The following CYRIB variants were observed in gnomAD, a reference collection of about 807,000 sequenced individuals.
CYRIB encodes the protein CYFIP-related Rac1 interactor B.
A neutral mutation model predicts 44.2 loss-of-function variants in CYRIB; 8 were observed. The observed-to-expected ratio is 0.18, with a 90% CI of 0.11 to 0.33. CYRIB has a LOEUF of 0.33. Ranked by LOEUF, CYRIB falls within the 10% of genes least tolerant of loss-of-function variation. The pLI is 1.00. For synonymous variants in CYRIB, 131 were observed against 127.2 expected (o/e 1.03, Z -0.20); for missense variants, 185 against 382.8 (o/e 0.48, Z 4.31).
At chr8:129,971,996 T>G (rs888805122) in intron 1 of CYRIB, among the ~76,000 whole-genome samples, 1 of 152,254 alleles carries the variant, frequency 6.6e-6, no homozygotes. Context: ...TGACTTTTTC[T>G]CTGGCCTTTA....
At chr8:129,942,211 C>A (rs181875649), upstream of CYRIB, among the ~76,000 whole-genome samples, 29 of 152,184 alleles carry the variant, frequency 1.9e-4, no homozygotes, top group African/African-American at 6.0e-4. Flanking sequence ...TGGTGGCAGG[C>A]GCCTGTAATC....
chr8:129,949,581 A>G (rs2094390230), intron 2 of CYRIB, among the ~76,000 whole-genome samples: 1 of 151,962 alleles, frequency 6.6e-6, no homozygotes, highest in Non-Finnish European at 1.5e-5. Flanking sequence ...GAAATACTAC[A>G]CTAAGGCTGG....
chr8:129,931,233 C>A (rs548849004), intron 1 of CYRIB, among the ~76,000 whole-genome samples: 2 of 152,006 alleles, frequency 1.3e-5, no homozygotes, highest in Non-Finnish European at 2.9e-5. Flanking sequence ...CCTAAATCTA[C>A]ACATATAAAG....
At chr8:129,886,278 C>A (rs990035645) in intron 2 of CYRIB, among the ~76,000 whole-genome samples, 2 of 152,324 alleles carry the variant, frequency 1.3e-5, no homozygotes, top group East Asian at 3.9e-4. Flanking sequence ...ACAATTCTCA[C>A]ACTTCAACTT....
At chr8:129,918,934 T>C (rs1008438220) in intron 1 of CYRIB, among the ~76,000 whole-genome samples, 1 of 152,176 alleles carries the variant, frequency 6.6e-6, no homozygotes, top group East Asian at 1.9e-4. Context: ...TTTAGAAAAA[T>C]ATGTAATTTC....
chr8:129,877,663 G>GGTGTGT (rs5895011), intron 3 of CYRIB, among the ~76,000 whole-genome samples: 16 of 130,690 alleles, frequency 1.2e-4, no homozygotes, highest in African/African-American at 2.0e-4. Flanking sequence ...AAAAAAAAAA[G>GGTGTGT]GTGTGTGTGT....
rs1308481544 is a variant in CYRIB at position 129,903,163 on chromosome 8, C to T, written c.-11+149G>A. 2.0e-5 allele frequency: 3 copies of T among 152,512 alleles called. No individual in the cohort carries two copies. The East Asian group carries it at 5.8e-4, about 29-fold the overall frequency. 9.4% of individuals were successfully genotyped at this position (152,512 alleles called of 1,614,324 possible). On this transcript the variant is annotated intron_variant, in intron 2 of 11. Coordinates refer to ENST00000519824, the Ensembl canonical transcript of CYRIB. ...GTCCTATTCTAAGCCAAAAACTAAA[C>T]AATCAATATTTCCTAACAACATTTT...
intron 1 of CYRIB, among the ~76,000 whole-genome samples, chr8:129,923,197 C>T (rs867341025): frequency 2.0e-5 from 3 of 147,586 alleles, no homozygotes; most frequent in Admixed American, 6.8e-5. Flanking sequence ...GAGCCGATAT[C>T]GCGCCATTGC....
At chr8:129,967,350 G>T (rs1450604352) in intron 2 of CYRIB, among the ~76,000 whole-genome samples, 2 of 151,148 alleles carry the variant, frequency 1.3e-5, no homozygotes, top group Admixed American at 6.6e-5. Context: ...TCTTTTCTTT[G>T]GTTTTGTTTT....
intron 1 of CYRIB, among the ~76,000 whole-genome samples, chr8:130,007,979 C>T (rs1044166561): frequency 2.6e-5 from 4 of 152,140 alleles, no homozygotes; most frequent in African/African-American, 7.2e-5. Flanking sequence ...GAGGCCGAGG[C>T]GGCCAGATCA....
intron 1 of CYRIB, among the ~76,000 whole-genome samples, chr8:129,930,178 T>A (rs553531524): frequency 6.6e-6 from 1 of 151,296 alleles, no homozygotes; most frequent in South Asian, 2.1e-4. Context: ...ACCACTGCAC[T>A]CCAGCCTGAG....
intron 1 of CYRIB, among the ~76,000 whole-genome samples, chr8:129,927,045 G>A (rs1190653673): frequency 6.6e-6 from 1 of 152,112 alleles, no homozygotes; most frequent in Admixed American, 6.5e-5. Context: ...CACTTTGGGA[G>A]GCCGAGGTGG....
intron 1 of CYRIB, among the ~76,000 whole-genome samples, chr8:129,922,372 T>C (rs967014606): frequency 1.3e-5 from 2 of 152,166 alleles, no homozygotes; most frequent in African/African-American, 4.8e-5. Flanking sequence ...GAATTTATGG[T>C]ACAAATATAA....
intron 1 of CYRIB, among the ~76,000 whole-genome samples, chr8:130,007,668 C>A (rs1176456437): frequency 3.3e-5 from 5 of 152,274 alleles, no homozygotes; most frequent in Non-Finnish European, 7.4e-5. Flanking sequence ...CCTATAATCC[C>A]AGCTACTTTG....
At chr8:129,893,429 C>A (rs1362606057) in intron 2 of CYRIB, among the ~76,000 whole-genome samples, 7 of 152,128 alleles carry the variant, frequency 4.6e-5, no homozygotes, top group African/African-American at 1.7e-4. Context: ...AAAAAGAATA[C>A]CTAACCCAGT....
chr8:129,998,094 CT>C (rs1276314877), intron 1 of CYRIB, among the ~76,000 whole-genome samples: 3 of 147,236 alleles, frequency 2.0e-5, no homozygotes, highest in African/African-American at 5.1e-5. Context: ...GCACTCCAGC[CT>C]GGTGACACAG....
At chr8:130,015,397 C>T (rs78776596) in intron 1 of CYRIB, among the ~76,000 whole-genome samples, 4,488 of 152,248 alleles carry the variant, frequency 0.029, 95 homozygotes, top group East Asian at 0.077. Flanking sequence ...CAAGGCCCCA[C>T]TCGCAGCAGC....
At chr8:129,974,887 AT>A (rs1280918019) in intron 1 of CYRIB, among the ~76,000 whole-genome samples, 357 of 139,392 alleles carry the variant, frequency 2.6e-3, no homozygotes, top group African/African-American at 3.6e-3. Flanking sequence ...CACCCAGATA[AT>A]TTTTTTTTTT....
At chr8:129,945,996 T>C (rs1250797567) in intron 2 of CYRIB, among the ~76,000 whole-genome samples, 1 of 152,246 alleles carries the variant, frequency 6.6e-6, no homozygotes, top group Non-Finnish European at 1.5e-5. Flanking sequence ...TAAGACAATC[T>C]ACTTCTCGGA....
Sources: gnomAD v4.1 joint callset for allele counts (sites outside exome capture counted in the v4.1 genomes callset) on GRCh38, gnomAD v4.1.1 for gene constraint, MANE v1.5 for transcripts, NCBI Gene and HGNC (gene_info 2026-07-23, HGNC 2026-07-21) for gene names.